Variants in ATG7 observed in about 807,000 individuals in gnomAD.
ATG7 encodes autophagy related 7.
ATG7 carries 70 observed loss-of-function variants against 82.4 expected under a neutral mutation model. That is an observed-to-expected ratio of 0.85 (90% CI 0.70 to 1.04). The LOEUF (loss-of-function observed/expected upper bound fraction) is 1.04. ATG7 is among the 50% of genes least tolerant of loss of function. The pLI, the probability that ATG7 is intolerant of heterozygous loss-of-function variation, is 0.00. For missense variants in ATG7, 792 were observed against 864.3 expected, an observed-to-expected ratio of 0.92 and a Z score of 1.05; for synonymous variants, 287 against 313.0, an observed-to-expected ratio of 0.92 and a Z score of 0.88.
chr3:11,507,198 C>G (rs905187418), intron 20 of ATG7, among the ~76,000 whole-genome samples: 3 of 152,160 alleles, frequency 2.0e-5, no homozygotes, highest in African/African-American at 7.2e-5. Context: ...AGGAGAATCG[C>G]TTGAACCCAG....
the ATG7 span, among the ~76,000 whole-genome samples, chr3:11,572,568 TG>T: frequency 6.6e-6 from 1 of 152,212 alleles, no homozygotes; most frequent in South Asian, 2.1e-4. Context: ...GGGCATCCTC[TG>T]TTTTGTATTT....
chr3:11,331,268 A>G, intron 9 of ATG7, 72 bp from the exon 10 acceptor site: 1 of 1,201,846 alleles, frequency 8.3e-7, no homozygotes, highest in Non-Finnish European at 1.2e-6. Flanking sequence ...GCAAAGAGGA[A>G]GTATGAGCAA....
intron 20 of ATG7, among the ~76,000 whole-genome samples, chr3:11,494,197 C>T (rs1056838047): frequency 2.0e-5 from 3 of 152,146 alleles, no homozygotes. Flanking sequence ...TGACTAAAAT[C>T]AGGGGTTTAT....
chr3:11,382,779 A>G (rs2078010647), intron 19 of ATG7, among the ~76,000 whole-genome samples: 1 of 152,162 alleles, frequency 6.6e-6, no homozygotes, highest in Non-Finnish European at 1.5e-5. Flanking sequence ...TTGGCAGAGT[A>G]TTTTTGGGTA....
At chr3:11,560,638 A>G (rs2072896311), downstream of ATG7, among the ~76,000 whole-genome samples, 1 of 152,198 alleles carries the variant, frequency 6.6e-6, no homozygotes, top group Non-Finnish European at 1.5e-5. Flanking sequence ...ACTGGGATTG[A>G]ACACAAGGAC....
intron 20 of ATG7, among the ~76,000 whole-genome samples, chr3:11,467,543 T>C (rs2086961098): frequency 6.6e-6 from 1 of 152,168 alleles, no homozygotes; most frequent in Admixed American, 6.5e-5. Context: ...GCCTGACTAA[T>C]TTTTGTATTT....
intron 20 of ATG7, among the ~76,000 whole-genome samples, chr3:11,465,088 AGTGTGTGTGT>A (rs55999171): frequency 6.1e-5 from 9 of 147,420 alleles, no homozygotes; most frequent in Admixed American, 1.4e-4. Flanking sequence ...AAAAACCTAA[AGTGTGTGTGT>A]GTGTGTGTGT....
In ATG7 at chr3:11,333,092, A is replaced by G. The variant is rs759038101; in HGVS notation, c.888A>G (p.Pro296=). 6.4e-7 allele frequency: 1 copy of G among 1,551,460 alleles called. No homozygotes were observed. Among genetic ancestry groups the G allele is most frequent in the South Asian group, 1.2e-5 (1 of 81,292 alleles). ...AGCTTCCAGAAATGGCATTTAGCCC[A>G]GGTAATTTGCCGGTCTTTGAAAATG... ...EVKLPEMAFS[P]DCPKAVGWEK... The change falls in exon 11 of 21, where the codon CCA becomes CCG. Residue 296 remains proline (P), a splice_region_variant and synonymous_variant. Transcript: ENST00000693202.
intron 19 of ATG7, among the ~76,000 whole-genome samples, chr3:11,384,078 C>A (rs1277937484): frequency 3.9e-5 from 6 of 152,198 alleles, no homozygotes; most frequent in Admixed American, 2.6e-4. Context: ...TATGACTAGT[C>A]CTTCTCTAAA....
chr3:11,515,693 T>C (rs1449505365), intron 20 of ATG7, among the ~76,000 whole-genome samples: 4 of 151,400 alleles, frequency 2.6e-5, no homozygotes, highest in Non-Finnish European at 5.9e-5. Context: ...TGTTCTCTCT[T>C]TCTCTCTCTC....
chr3:11,477,433 GC>G lies in ATG7; in HGVS notation c.2079+50508del, dbSNP rs1320488507. On this transcript the variant is annotated intron_variant, in intron 20 of 20. Coordinates refer to ENST00000693202, the MANE Select transcript of ATG7 (RefSeq NM_001349232.2). ...ATAATTCTATTTCTTTTAAACACAA[GC>G]ATCAGCATGTTTTCTCCCTCTAATT... The G allele has an allele frequency of 5.5e-6, 3 of 547,094 alleles. No homozygotes were observed. In the South Asian group the frequency reaches 1.6e-4, roughly 30 times the overall value. The allele number at this position is 547,094 out of a possible 1,614,324, so 33.9% of individuals were successfully genotyped here.
chr3:11,539,236 G>C (rs188301804), intron 20 of ATG7, among the ~76,000 whole-genome samples: 2 of 152,278 alleles, frequency 1.3e-5, no homozygotes, highest in Admixed American at 1.3e-4. Flanking sequence ...ACAGCCCTAC[G>C]AGGGAGACAG....
At chr3:11,381,467 C>T (rs1218211769) in intron 19 of ATG7, among the ~76,000 whole-genome samples, 1 of 152,192 alleles carries the variant, frequency 6.6e-6, no homozygotes, top group African/African-American at 2.4e-5. Context: ...GAAATGCAAA[C>T]ACTCATTCAT....
At chr3:11,461,637 A>C (rs542789778) in intron 20 of ATG7, among the ~76,000 whole-genome samples, 4 of 152,282 alleles carry the variant, frequency 2.6e-5, no homozygotes, top group East Asian at 3.9e-4. Flanking sequence ...GGTTTTAAGA[A>C]AATGGTAATG....
At chr3:11,518,220 A>T (rs542205914) in intron 20 of ATG7, among the ~76,000 whole-genome samples, 4 of 150,446 alleles carry the variant, frequency 2.7e-5, no homozygotes, top group Non-Finnish European at 5.9e-5. Flanking sequence ...TGCTGTGAGG[A>T]TACTGAATGC....
intron 20 of ATG7, among the ~76,000 whole-genome samples, chr3:11,473,580 A>G (rs1162601673): frequency 1.3e-5 from 2 of 152,204 alleles, no homozygotes; most frequent in African/African-American, 2.4e-5. Context: ...CTGGAAAAGT[A>G]TGAGACCCCA....
At chr3:11,566,757 G>C in the ATG7 span, among the ~76,000 whole-genome samples, 350 of 152,150 alleles carry the variant, frequency 2.3e-3, no homozygotes, top group Middle Eastern at 6.8e-3. Flanking sequence ...CTTTAATACA[G>C]AATCCATCCC....
At chr3:11,382,684 A>G (rs1470597588) in intron 19 of ATG7, among the ~76,000 whole-genome samples, 2 of 152,246 alleles carry the variant, frequency 1.3e-5, no homozygotes, top group Non-Finnish European at 2.9e-5. Context: ...GGAAAAGTAT[A>G]ATTTTTAAAA....
chr3:11,573,148 A>G, the ATG7 span, among the ~76,000 whole-genome samples: 2,697 of 150,332 alleles, frequency 0.018, 56 homozygotes, highest in South Asian at 0.049. Flanking sequence ...CCTGGGTGAC[A>G]GGGCAAGACT....
Sources: gnomAD v4.1 joint callset for allele counts (sites outside exome capture counted in the v4.1 genomes callset) on GRCh38, gnomAD v4.1.1 for gene constraint, MANE v1.5 for transcripts, NCBI Gene and HGNC (gene_info 2026-07-23, HGNC 2026-07-21) for gene names.